The following TEX36 variants were observed in gnomAD, a reference collection of about 807,000 sequenced individuals.
TEX36 encodes testis expressed 36.
Under a neutral mutation model 13.6 loss-of-function variants are expected in TEX36, and 12 were observed. That is an observed-to-expected ratio of 0.88 (90% CI 0.56 to 1.43). The LOEUF is 1.43. TEX36 is among the 40% of genes most tolerant of loss of function. The probability of loss-of-function intolerance (pLI) is 0.00; values close to 1 mark genes in which losing one functional copy is unlikely to be tolerated. For synonymous variants in TEX36, 93 were observed against 83.0 expected (o/e 1.12, Z -0.65); for missense variants, 224 against 228.3 (o/e 0.98, Z 0.12).
At chr10:125,644,828 T>C (rs1203662993) in intron 3 of TEX36, among the ~76,000 whole-genome samples, 5 of 152,226 alleles carry the variant, frequency 3.3e-5, no homozygotes, top group Non-Finnish European at 5.9e-5. Flanking sequence ...TGGGTCAAGC[T>C]CAATCAGGTG....
At chr10:125,643,302 G>A (rs1046156506) in intron 3 of TEX36, among the ~76,000 whole-genome samples, 3 of 152,186 alleles carry the variant, frequency 2.0e-5, no homozygotes, top group Non-Finnish European at 2.9e-5. Context: ...TGAGAAGAAC[G>A]TATATACTGC....
chr10:125,667,476 G>C, intron 1 of TEX36: 1 of 720,906 alleles, frequency 1.4e-6, no homozygotes. Context: ...AGGGCTGAGG[G>C]GGTGTGTTCC....
intron 3 of TEX36, among the ~76,000 whole-genome samples, chr10:125,637,750 A>G (rs1846638610): frequency 6.6e-6 from 1 of 152,112 alleles, no homozygotes; most frequent in Non-Finnish European, 1.5e-5. Flanking sequence ...GAGATTTGCC[A>G]GGCAGCGGCC....
At chr10:125,577,023 C>A in intron 3 of TEX36, 1 of 1,041,516 alleles carries the variant, frequency 9.6e-7, no homozygotes, top group South Asian at 1.6e-5. Context: ...TTAGCCTGAG[C>A]CCTAGGCCCA....
chr10:125,577,976 G>A (rs766965509), intron 3 of TEX36, among the ~76,000 whole-genome samples: 2 of 152,222 alleles, frequency 1.3e-5, no homozygotes, highest in Non-Finnish European at 2.9e-5. Flanking sequence ...CATATTCTAT[G>A]AGAGCATGCC....
chr10:125,680,918 C>T (rs1031802345), intron 1 of TEX36, among the ~76,000 whole-genome samples: 2 of 152,150 alleles, frequency 1.3e-5, no homozygotes, highest in African/African-American at 4.8e-5. Context: ...CTCGCTTTCC[C>T]CCTTACCACA....
downstream of TEX36, among the ~76,000 whole-genome samples, chr10:125,618,790 C>A (rs181918157): frequency 1.2e-3 from 187 of 151,876 alleles, 1 homozygote; most frequent in Admixed American, 1.4e-3. Flanking sequence ...GACTCCCAAG[C>A]CTGCTGCAGT....
chr10:125,613,270 TTTATTTA>T (rs1440009100), intron 3 of TEX36, among the ~76,000 whole-genome samples: 1 of 143,880 alleles, frequency 7.0e-6, no homozygotes, highest in African/African-American at 2.6e-5. Flanking sequence ...TATTTATTTA[TTTATTTA>T]TTTATTTTTA....
chr10:125,584,743 C>G (rs79738602), intron 3 of TEX36, among the ~76,000 whole-genome samples: 2,463 of 152,328 alleles, frequency 0.016, 101 homozygotes, highest in East Asian at 0.14. Context: ...AAGAAGATAG[C>G]TGTCTACAAG....
chr10:125,594,058 C>A (rs1158275667), intron 3 of TEX36, among the ~76,000 whole-genome samples: 3 of 152,184 alleles, frequency 2.0e-5, no homozygotes, highest in East Asian at 3.8e-4. Flanking sequence ...CTCTAAGGAG[C>A]TGTCTGAGGC....
chr10:125,587,263 T>C (rs570619368), intron 3 of TEX36, among the ~76,000 whole-genome samples: 20 of 152,206 alleles, frequency 1.3e-4, no homozygotes, highest in Non-Finnish European at 2.4e-4. Context: ...CTCAGGCAGG[T>C]GAGTTGCTTA....
downstream of TEX36, among the ~76,000 whole-genome samples, chr10:125,653,612 T>C (rs374438566): frequency 2.9e-4 from 44 of 152,166 alleles, no homozygotes; most frequent in East Asian, 3.1e-3. Context: ...GTTGTGCACA[T>C]GTACCCTAGA....
At chr10:125,673,847 C>G (rs1847270477) in intron 1 of TEX36, among the ~76,000 whole-genome samples, 1 of 151,852 alleles carries the variant, frequency 6.6e-6, no homozygotes, top group Non-Finnish European at 1.5e-5. Context: ...TCTGGCTGAC[C>G]TTAACATTTT....
At chr10:125,593,984 G>A (rs1199601299) in intron 3 of TEX36, among the ~76,000 whole-genome samples, 1 of 152,208 alleles carries the variant, frequency 6.6e-6, no homozygotes, top group Non-Finnish European at 1.5e-5. Flanking sequence ...TGACACAGGG[G>A]ATGTTTTGGC....
intron 3 of TEX36, among the ~76,000 whole-genome samples, chr10:125,589,138 T>C (rs1845993454): frequency 6.6e-6 from 1 of 152,240 alleles, no homozygotes; most frequent in African/African-American, 2.4e-5. Context: ...TCTCTATTTC[T>C]TTTTTCTGAG....
At chr10:125,622,470 T>C (rs1476066541) in intron 3 of TEX36, among the ~76,000 whole-genome samples, 1 of 152,242 alleles carries the variant, frequency 6.6e-6, no homozygotes, top group Non-Finnish European at 1.5e-5. Context: ...GATGACTACC[T>C]TCTTCTACGC....
At chr10:125,592,978 T>C (rs1338100945) in intron 3 of TEX36, among the ~76,000 whole-genome samples, 1 of 152,206 alleles carries the variant, frequency 6.6e-6, no homozygotes, top group Non-Finnish European at 1.5e-5. Context: ...TTCAGCAACC[T>C]GGAAGCTCTC....
chr10:125,599,702 T>C (rs1846122400), intron 3 of TEX36, among the ~76,000 whole-genome samples: 1 of 152,218 alleles, frequency 6.6e-6, no homozygotes, highest in African/African-American at 2.4e-5. Context: ...TGTGATGATA[T>C]CTCTCCCTTA....
At chr10:125,603,510 C>T (rs556273107) in intron 3 of TEX36, among the ~76,000 whole-genome samples, 13 of 152,234 alleles carry the variant, frequency 8.5e-5, no homozygotes, top group African/African-American at 2.2e-4. Context: ...AACTTGTTGA[C>T]GAACCTTATA....
Sources: gnomAD v4.1 joint callset for allele counts (sites outside exome capture counted in the v4.1 genomes callset) on GRCh38, gnomAD v4.1.1 for gene constraint, MANE v1.5 for transcripts, NCBI Gene and HGNC (gene_info 2026-07-23, HGNC 2026-07-21) for gene names.